RORA: variants seen among roughly 807,000 people sequenced by gnomAD.
The protein encoded by RORA is RAR related orphan receptor A.
A neutral mutation model predicts 69.5 loss-of-function variants in RORA; 7 were observed. The observed-to-expected ratio is 0.10, with a 90% CI of 0.06 to 0.19. RORA has a LOEUF of 0.19. RORA is among the 10% of genes least tolerant of loss of function. The pLI is 1.00. For synonymous variants in RORA, 261 were observed against 240.8 expected (o/e 1.08, Z -0.78); for missense variants, 457 against 663.0 (o/e 0.69, Z 3.41).
At chr15:60,942,711 T>G (rs1245158983) in intron 1 of RORA, among the ~76,000 whole-genome samples, 1 of 152,244 alleles carries the variant, frequency 6.6e-6, no homozygotes, top group Non-Finnish European at 1.5e-5. Context: ...TCCTTGATCT[T>G]CCTATCCTCC....
intron 1 of RORA, among the ~76,000 whole-genome samples, chr15:61,188,324 G>A (rs1287274735): frequency 6.6e-6 from 1 of 152,210 alleles, no homozygotes; most frequent in South Asian, 2.1e-4. Context: ...ACAAGTAGGT[G>A]TGGCTGTGTT....
At chr15:60,726,899 C>T (rs1200952088) in intron 1 of RORA, among the ~76,000 whole-genome samples, 1 of 152,120 alleles carries the variant, frequency 6.6e-6, no homozygotes, top group Admixed American at 6.5e-5. Flanking sequence ...TTAGGAGAGG[C>T]CCTTAATCCT....
intron 2 of RORA, among the ~76,000 whole-genome samples, chr15:60,626,657 C>T (rs983132835): frequency 2.0e-5 from 3 of 152,130 alleles, no homozygotes; most frequent in African/African-American, 7.2e-5. Flanking sequence ...GACATTTGGG[C>T]TTGTAGAGGT....
intron 1 of RORA, among the ~76,000 whole-genome samples, chr15:60,969,470 T>C (rs1893646463): frequency 6.6e-6 from 1 of 152,200 alleles, no homozygotes; most frequent in African/African-American, 2.4e-5. Context: ...ACCACTTCTC[T>C]AGGTAGACCA....
chr15:60,616,345 C>G (rs186186722), intron 2 of RORA, among the ~76,000 whole-genome samples: 10 of 152,328 alleles, frequency 6.6e-5, no homozygotes, highest in Admixed American at 5.2e-4. Flanking sequence ...CGTCTGCCCT[C>G]TCATCTCTCA....
At chr15:60,786,149 A>G (rs150132469) in intron 1 of RORA, among the ~76,000 whole-genome samples, 208 of 152,342 alleles carry the variant, frequency 1.4e-3, no homozygotes, top group Non-Finnish European at 2.7e-3. Flanking sequence ...GTTTATACAT[A>G]CACGACATCA....
intron 1 of RORA, among the ~76,000 whole-genome samples, chr15:60,854,770 A>G (rs1479597310): frequency 6.6e-6 from 1 of 152,248 alleles, no homozygotes; most frequent in Non-Finnish European, 1.5e-5. Flanking sequence ...GGCATTTTTC[A>G]ATTACTTAGG....
At chr15:60,500,516 A>G (rs949004384) in intron 9 of RORA, among the ~76,000 whole-genome samples, 2 of 152,202 alleles carry the variant, frequency 1.3e-5, no homozygotes, top group African/African-American at 4.8e-5. Flanking sequence ...AAAAGTGATT[A>G]TCCCCAAACA....
At chr15:61,173,737 C>T (rs979163156) in intron 1 of RORA, among the ~76,000 whole-genome samples, 1 of 152,196 alleles carries the variant, frequency 6.6e-6, no homozygotes, top group Non-Finnish European at 1.5e-5. Context: ...CTCACTGCGA[C>T]CTCAACCTCC....
At chr15:60,681,961 T>C (rs2070648325) in intron 1 of RORA, 2 of 152,222 alleles carry the variant, frequency 1.3e-5, no homozygotes, top group African/African-American at 2.4e-5. Context: ...ATTCTGATTC[T>C]AATGAGGAAT....
At chr15:60,989,639 T>C (rs1595864224) in intron 1 of RORA, among the ~76,000 whole-genome samples, 1 of 152,226 alleles carries the variant, frequency 6.6e-6, no homozygotes, top group African/African-American at 2.4e-5. Flanking sequence ...CTGCCTGAGG[T>C]GATTTAGCTT....
chr15:60,489,170 A>C lies in RORA; in HGVS notation c.*8285T>G, dbSNP rs926945825. ...GGAATGATGTGATTTATATTAAAAGAGATTTCTCCCTCAACTGTAGCCAAT... is the reference window on the plus strand; with the variant it reads ...GGAATGATGTGATTTATATTAAAAGCGATTTCTCCCTCAACTGTAGCCAAT... On this transcript the variant is annotated 3_prime_UTR_variant, in exon 11 of 11. Transcript: ENST00000335670. 6.6e-6 allele frequency: 1 copy of C among 152,244 alleles called. No individual in the cohort carries two copies. Among genetic ancestry groups the C allele is most frequent in the African/African-American group, 2.4e-5 (1 of 41,468 alleles). 9.4% of individuals were successfully genotyped at this position (152,244 alleles called of 1,614,324 possible).
intron 2 of RORA, among the ~76,000 whole-genome samples, chr15:60,549,545 T>C (rs2067170876): frequency 6.6e-6 from 1 of 152,208 alleles, no homozygotes; most frequent in African/African-American, 2.4e-5. Flanking sequence ...CTTACAGTGG[T>C]AGTATACTAT....
chr15:60,897,061 G>A (rs556852039), intron 1 of RORA, among the ~76,000 whole-genome samples: 5 of 152,152 alleles, frequency 3.3e-5, no homozygotes, highest in Non-Finnish European at 5.9e-5. Context: ...GGTCTGGGGT[G>A]GGGTGGGAGA....
At chr15:61,003,003 GTGTGGTGGCGGGCGCC>G (rs1013407918) in intron 1 of RORA, among the ~76,000 whole-genome samples, 1 of 150,096 alleles carries the variant, frequency 6.7e-6, no homozygotes, top group African/African-American at 2.5e-5. Flanking sequence ...AATTAGCCAG[GTGTGGTGGCGGGCGCC>G]TGTAGTCCCA....
intron 2 of RORA, among the ~76,000 whole-genome samples, chr15:60,649,788 G>T (rs969955325): frequency 6.6e-6 from 1 of 152,136 alleles, no homozygotes; most frequent in Admixed American, 6.5e-5. Context: ...AACAGCAGTG[G>T]TAATTACCAA....
At chr15:61,080,808 A>T (rs1358616654) in intron 1 of RORA, among the ~76,000 whole-genome samples, 1 of 152,220 alleles carries the variant, frequency 6.6e-6, no homozygotes, top group African/African-American at 2.4e-5. Flanking sequence ...TAAATAAACG[A>T]GGAAAGAATT....
intron 1 of RORA, among the ~76,000 whole-genome samples, chr15:61,170,887 C>T (rs975255479): frequency 2.0e-5 from 3 of 152,210 alleles, no homozygotes; most frequent in Admixed American, 6.5e-5. Flanking sequence ...CCTCACTCTT[C>T]GTTTTAAAAA....
chr15:61,075,289 C>T (rs1323685390), intron 1 of RORA, among the ~76,000 whole-genome samples: 2 of 152,094 alleles, frequency 1.3e-5, no homozygotes, highest in African/African-American at 4.8e-5. Flanking sequence ...GGAGGAGGCT[C>T]TCTCCATCAG....
Sources: gnomAD v4.1 joint callset for allele counts (sites outside exome capture counted in the v4.1 genomes callset) on GRCh38, gnomAD v4.1.1 for gene constraint, MANE v1.5 for transcripts, NCBI Gene and HGNC (gene_info 2026-07-23, HGNC 2026-07-21) for gene names.